The following CDC25C variants were observed in gnomAD, a reference collection of about 807,000 sequenced individuals.
The protein encoded by CDC25C is cell division cycle 25C.
CDC25C carries 48 observed loss-of-function variants against 52.5 expected under a neutral mutation model. The observed-to-expected ratio is 0.91, with a 90% CI of 0.72 to 1.16. CDC25C has a LOEUF of 1.16. Ranked by LOEUF, CDC25C falls within the 50% of genes most tolerant of loss-of-function variation. The pLI is 0.00. For missense variants in CDC25C, 510 were observed against 566.1 expected, an observed-to-expected ratio of 0.90 and a Z score of 1.01; for synonymous variants, 187 against 206.5, an observed-to-expected ratio of 0.91 and a Z score of 0.81.
intron 11 of CDC25C, 76 bp from the exon 12 acceptor site, chr5:138,286,706 G>A (rs1756274647): frequency 6.0e-6 from 8 of 1,343,560 alleles, no homozygotes; most frequent in South Asian, 4.3e-5. Context: ...TGACTGAGAC[G>A]CCAACCTGGG....
intron 1 of CDC25C, 23 bp downstream of exon 1, chr5:138,331,572 G>A (rs1427650073): frequency 3.8e-6 from 4 of 1,041,370 alleles, no homozygotes; most frequent in African/African-American, 1.7e-5. Flanking sequence ...GTGATTCCGT[G>A]GCGGAGACGG....
rs753207415 is a variant in CDC25C at position 138,329,625 on chromosome 5, C to T, written c.217G>A (p.Asp73Asn). Residue 73 changes from aspartate (D) to asparagine (N), a missense_variant, in exon 3 of 14, where the codon GAT becomes AAT. Transcript: ENST00000323760. ...TCCCCACTGCTAAGATTCGAAAGAT[C>T]GAGGCAACGTTTTGGGGTTCCTCTG... ...LSGGTPKRCLDLSNLSSGEIT... is the reference protein window; with the variant it reads ...LSGGTPKRCLNLSNLSSGEIT... 1.3e-5 allele frequency: 21 copies of T among 1,611,962 alleles called. No individual in the cohort carries two copies. Among genetic ancestry groups the T allele is most frequent in the African/African-American group, 9.4e-5 (7 of 74,682 alleles).
At chr5:138,321,612 T>G (rs1759394192) in intron 6 of CDC25C, among the ~76,000 whole-genome samples, 1 of 151,254 alleles carries the variant, frequency 6.6e-6, no homozygotes, top group Admixed American at 6.6e-5. Flanking sequence ...ATTAGCTGGG[T>G]GTGGTGGTGC....
At chr5:138,328,757 A>G (rs947533633) in intron 3 of CDC25C, 24 of 452,506 alleles carry the variant, frequency 5.3e-5, no homozygotes, top group African/African-American at 1.6e-4. Context: ...GAAACACTAC[A>G]CTATGCTACC....
At chr5:138,298,966 G>A (rs1253678351) in intron 7 of CDC25C, among the ~76,000 whole-genome samples, 1 of 151,600 alleles carries the variant, frequency 6.6e-6, no homozygotes, top group African/African-American at 2.4e-5. Flanking sequence ...GCTGAGGCGG[G>A]CGGATCACCT....
At chr5:138,302,879 G>A (rs867483598) in intron 7 of CDC25C, among the ~76,000 whole-genome samples, 6 of 151,214 alleles carry the variant, frequency 4.0e-5, no homozygotes, top group Non-Finnish European at 8.8e-5. Flanking sequence ...GGACAAAATG[G>A]TGAGATCCCC....
rs778905962 is a variant in CDC25C at position 138,337,935 on chromosome 5, A to C, written c.13+21T>G. ...TTGGGCCGTTGGAGGGAGGGAGGGC[A>C]GGGGCGATGCCTTTGTTTACCTTCT... On this transcript the variant is annotated intron_variant, in intron 1 of 5. Coordinates refer to the CDC25C transcript ENST00000510119. 3 of 1,286,114 alleles carry C rather than the reference A, an allele frequency of 2.3e-6. No homozygotes were observed. In the African/African-American group the frequency reaches 4.6e-5, roughly 20 times the overall value. 79.7% of individuals were successfully genotyped at this position (1,286,114 alleles called of 1,614,324 possible).
intron 7 of CDC25C, among the ~76,000 whole-genome samples, chr5:138,300,169 T>G (rs981683951): frequency 3.3e-4 from 50 of 152,146 alleles, no homozygotes; most frequent in African/African-American, 1.2e-3. Flanking sequence ...CCAACTCCAA[T>G]TAACAAAACA....
At chr5:138,303,639 G>A (rs1757792213) in intron 7 of CDC25C, among the ~76,000 whole-genome samples, 1 of 152,112 alleles carries the variant, frequency 6.6e-6, no homozygotes, top group South Asian at 2.1e-4. Context: ...TCAGATGTCT[G>A]CTCAAACGTC....
At chr5:138,302,793 C>T (rs1358310611) in intron 7 of CDC25C, among the ~76,000 whole-genome samples, 2 of 151,654 alleles carry the variant, frequency 1.3e-5, no homozygotes, top group Non-Finnish European at 2.9e-5. Flanking sequence ...GGTAGGGTAA[C>T]TTATGCCTGT....
At chr5:138,322,943 A>T (rs975276004) in intron 6 of CDC25C, among the ~76,000 whole-genome samples, 22 of 144,826 alleles carry the variant, frequency 1.5e-4, no homozygotes, top group Non-Finnish European at 2.3e-4. Context: ...TTTTATTTTT[A>T]TTTTTTTTTC....
intron 7 of CDC25C, among the ~76,000 whole-genome samples, chr5:138,295,075 T>C (rs766972796): frequency 2.6e-5 from 4 of 152,234 alleles, no homozygotes; most frequent in Non-Finnish European, 5.9e-5. Context: ...GATTTCCAAT[T>C]GCTCCAGCAC....
chr5:138,319,436 A>G, intron 6 of CDC25C, 62 bp from the exon 7 acceptor site: 1 of 1,264,094 alleles, frequency 7.9e-7, no homozygotes, highest in Non-Finnish European at 1.1e-6. Context: ...TAAATGTAAG[A>G]GCTAAAACTA....
At chr5:138,322,040 C>T (rs143731384) in intron 6 of CDC25C, among the ~76,000 whole-genome samples, 2,686 of 152,092 alleles carry the variant, frequency 0.018, 42 homozygotes, top group Non-Finnish European at 0.027. Flanking sequence ...CATGCTTTGT[C>T]GCCCAGGCTG....
At chr5:138,306,789 T>C (rs77783189) in intron 7 of CDC25C, among the ~76,000 whole-genome samples, 1 of 149,554 alleles carries the variant, frequency 6.7e-6, no homozygotes, top group Non-Finnish European at 1.5e-5. Flanking sequence ...TTTTTTTTTT[T>C]CCATTTAACA....
chr5:138,295,810 C>T (rs1010400051), intron 7 of CDC25C, among the ~76,000 whole-genome samples: 2 of 152,102 alleles, frequency 1.3e-5, no homozygotes, highest in South Asian at 2.1e-4. Context: ...CCAGGATCAT[C>T]TGGCTTAGAT....
chr5:138,315,087 C>T (rs149684276), intron 7 of CDC25C, among the ~76,000 whole-genome samples: 6 of 152,028 alleles, frequency 3.9e-5, no homozygotes, highest in East Asian at 1.9e-4. Context: ...ATGCTCACCA[C>T]CACGCCCAGC....
intron 12 of CDC25C, 76 bp from the exon 13 acceptor site, chr5:138,286,209 G>T (rs1221908391): frequency 6.1e-6 from 7 of 1,139,422 alleles, no homozygotes; most frequent in East Asian, 2.4e-5. Context: ...ACTGGGGAGG[G>T]GGGAGAGGAG....
At chr5:138,332,023 G>T (rs958664994), upstream of CDC25C, 2 of 526,008 alleles carry the variant, frequency 3.8e-6, no homozygotes, top group African/African-American at 2.1e-5. Context: ...GCCCACCAGC[G>T]TTAGGCAGGC....
Sources: gnomAD v4.1 joint callset for allele counts (sites outside exome capture counted in the v4.1 genomes callset) on GRCh38, gnomAD v4.1.1 for gene constraint, MANE v1.5 for transcripts, NCBI Gene and HGNC (gene_info 2026-07-23, HGNC 2026-07-21) for gene names.